NRXN1: variants seen among roughly 807,000 people sequenced by gnomAD.
NRXN1 encodes neurexin-1.
In NRXN1, 39 loss-of-function variants were observed where a neutral mutation model predicts 150.9. That is an observed-to-expected ratio of 0.26 (90% CI 0.20 to 0.34). The LOEUF (loss-of-function observed/expected upper bound fraction) is 0.34. Among genes scored for constraint, NRXN1 ranks in the 10% least tolerant of loss-of-function variants. The pLI is 1.00. For synonymous variants in NRXN1, 924 were observed against 757.0 expected (o/e 1.22, Z -3.62); for missense variants, 1,815 against 1,949.9 (o/e 0.93, Z 1.30).
In NRXN1 at chr2:50,423,119, T is replaced by C. The variant is rs1011000629; in HGVS notation, c.3364+42323A>G. Among the ~76,000 whole-genome samples the C allele has an allele frequency of 2.6e-5, 4 of 152,172 alleles. No homozygotes were observed. In the South Asian group the frequency reaches 6.2e-4, roughly 24 times the overall value. On this transcript the variant is annotated intron_variant, in intron 17 of 22. Coordinates refer to ENST00000401669, the MANE Select transcript of NRXN1 (RefSeq NM_001330078.2). ...AAGTGAGAATTATTTCCTCATTCCCTGGTGAAACATATTCCTTTCCTGTCT... is the reference window on the plus strand; with the variant it reads ...AAGTGAGAATTATTTCCTCATTCCCCGGTGAAACATATTCCTTTCCTGTCT...
At chr2:50,234,065 AT>A (rs1234725578) in intron 18 of NRXN1, among the ~76,000 whole-genome samples, 1 of 146,296 alleles carries the variant, frequency 6.8e-6, no homozygotes, top group Non-Finnish European at 1.5e-5. Context: ...TCTGGTTTTC[AT>A]TTTTTCTTTT....
At chr2:50,220,023 A>G (rs569445788) in intron 18 of NRXN1, among the ~76,000 whole-genome samples, 71 of 120,612 alleles carry the variant, frequency 5.9e-4, no homozygotes, top group Admixed American at 1.4e-3. Flanking sequence ...TTATATATAT[A>G]TATAAAGAAA....
chr2:50,844,629 G>T (rs947629221), intron 5 of NRXN1, among the ~76,000 whole-genome samples: 3 of 152,166 alleles, frequency 2.0e-5, no homozygotes, highest in African/African-American at 7.2e-5. Flanking sequence ...CTAGTAAAAA[G>T]TATACATCAT....
chr2:50,596,808 A>T (rs556527399), intron 8 of NRXN1, among the ~76,000 whole-genome samples: 2 of 150,042 alleles, frequency 1.3e-5, no homozygotes, highest in African/African-American at 4.9e-5. Flanking sequence ...GGAAAATAAA[A>T]TCTATTTGGA....
chr2:50,780,108 C>T (rs1001070276), intron 5 of NRXN1, among the ~76,000 whole-genome samples: 40 of 152,184 alleles, frequency 2.6e-4, no homozygotes, highest in African/African-American at 9.4e-4. Context: ...TTGTATTTCT[C>T]TAATGACCAG....
Position 50,522,719 on chromosome 2 carries a change from CATT to C in NRXN1, c.2374+5903_2374+5905del, listed in dbSNP as rs1288577535. On this transcript the variant is annotated intron_variant, in intron 12 of 22. Coordinates refer to ENST00000401669, the MANE Select transcript of NRXN1 (RefSeq NM_001330078.2). ...TTCCATTTATTCATTTATTTTTATT[CATT>C]TTTTTTTTTTTTTTTTTTTTTTTTT... is the stretch of plus-strand genomic sequence containing the variant. Among the ~76,000 whole-genome samples, 34 of 86,548 alleles carry C rather than the reference CATT, an allele frequency of 3.9e-4. 5 individuals are homozygous for C. The highest frequency in any genetic ancestry group is 5.4e-4 in the African/African-American group (9 of 16,770). The allele number at this position is 86,548 out of a possible 152,430, so 56.8% of individuals were successfully genotyped here. A position where few individuals can be genotyped will look rare whatever the true frequency, so the allele number is the denominator to read the frequency against.
At chr2:50,217,258 CA>C (rs1293114946) in intron 18 of NRXN1, among the ~76,000 whole-genome samples, 5 of 151,952 alleles carry the variant, frequency 3.3e-5, no homozygotes, top group African/African-American at 1.2e-4. Context: ...TTAAGAATAA[CA>C]AAGACTATTT....
chr2:50,579,747 A>T (rs369614419), intron 8 of NRXN1, among the ~76,000 whole-genome samples: 3 of 152,216 alleles, frequency 2.0e-5, no homozygotes, highest in Non-Finnish European at 2.9e-5. Context: ...ACAAGGTTGC[A>T]TTATTGTCAT....
intron 18 of NRXN1, among the ~76,000 whole-genome samples, chr2:50,195,504 C>A (rs2061702407): frequency 6.6e-6 from 1 of 152,208 alleles, no homozygotes; most frequent in Admixed American, 6.5e-5. Flanking sequence ...CTTTTCCTAT[C>A]AATAACAGTG....
intron 5 of NRXN1, among the ~76,000 whole-genome samples, chr2:50,881,932 T>G (rs1679498394): frequency 6.6e-6 from 1 of 151,756 alleles, no homozygotes; most frequent in Admixed American, 6.6e-5. Flanking sequence ...CTTTTTTTTC[T>G]ATAAACGCAA....
chr2:50,486,955 C>G (rs1301573120), intron 15 of NRXN1, among the ~76,000 whole-genome samples: 1 of 152,088 alleles, frequency 6.6e-6, no homozygotes, highest in Non-Finnish European at 1.5e-5. Context: ...ATGTGCAAAT[C>G]TTTATAACAG....
intron 21 of NRXN1, among the ~76,000 whole-genome samples, chr2:49,960,370 T>C (rs1675720245): frequency 6.6e-6 from 1 of 151,916 alleles, no homozygotes; most frequent in African/African-American, 2.4e-5. Context: ...CATTCATATC[T>C]GCTCTTAGGT....
chr2:50,156,163 G>A (rs941716441), intron 18 of NRXN1, among the ~76,000 whole-genome samples: 1 of 151,630 alleles, frequency 6.6e-6, no homozygotes, highest in African/African-American at 2.4e-5. Flanking sequence ...AGGAATAAAG[G>A]TTATTTCTAA....
chr2:50,223,466 T>C (rs2064079359), intron 18 of NRXN1, among the ~76,000 whole-genome samples: 4 of 151,946 alleles, frequency 2.6e-5, no homozygotes, highest in African/African-American at 9.7e-5. Context: ...TCCCACCTTA[T>C]GAAATATCTT....
intron 21 of NRXN1, among the ~76,000 whole-genome samples, chr2:50,042,276 G>T (rs1445000693): frequency 6.6e-6 from 1 of 152,106 alleles, no homozygotes; most frequent in Non-Finnish European, 1.5e-5. Flanking sequence ...TAATCCCCAT[G>T]TGCCACGGGA....
At chr2:50,563,948 A>T (rs747126956) in intron 8 of NRXN1, among the ~76,000 whole-genome samples, 2 of 152,188 alleles carry the variant, frequency 1.3e-5, no homozygotes, top group South Asian at 4.1e-4. Context: ...AAGACAGCCA[A>T]TGCTGATGAT....
chr2:50,278,233 A>ATATATATATTATATATATGTAT (rs199579965), intron 17 of NRXN1, among the ~76,000 whole-genome samples: 3 of 49,852 alleles, frequency 6.0e-5, no homozygotes, highest in African/African-American at 1.3e-4. Flanking sequence ...TGGCTTTTAT[A>ATATATATATTATATATATGTAT]TATATATAAT....
intron 16 of NRXN1, among the ~76,000 whole-genome samples, chr2:50,472,042 A>G (rs534903291): frequency 2.6e-4 from 32 of 122,044 alleles, no homozygotes; most frequent in East Asian, 6.8e-4. Flanking sequence ...AAAAACAAAA[A>G]CAAAAGCAAA....
intron 17 of NRXN1, among the ~76,000 whole-genome samples, chr2:50,389,572 T>C (rs1429688640): frequency 6.6e-6 from 1 of 152,054 alleles, no homozygotes. Flanking sequence ...CTTATCTATG[T>C]CCAATTAGTT....
Sources: allele counts gnomAD v4.1 joint callset (sites outside exome capture counted in the v4.1 genomes callset), GRCh38; gene constraint gnomAD v4.1.1; transcripts MANE v1.5; gene names NCBI Gene and HGNC (gene_info 2026-07-23, HGNC 2026-07-21).